SFT2D2: variants seen among roughly 807,000 people sequenced by gnomAD.
SFT2D2 encodes vesicle transport protein SFT2B.
A neutral mutation model predicts 27.4 loss-of-function variants in SFT2D2; 21 were observed. The ratio of observed to expected loss-of-function variants is 0.77; its 90% CI spans 0.54 to 1.10. The LOEUF is 1.10. SFT2D2 is among the 50% of genes least tolerant of loss of function. The probability of loss-of-function intolerance (pLI) is 0.00; values close to 1 mark genes in which losing one functional copy is unlikely to be tolerated. For missense variants in SFT2D2, 187 were observed against 194.2 expected, an observed-to-expected ratio of 0.96 and a Z score of 0.22; for synonymous variants, 72 against 71.7, an observed-to-expected ratio of 1.00 and a Z score of -0.02.
At chr1:168,241,607 A>G (rs1558178368) in intron 7 of SFT2D2, among the ~76,000 whole-genome samples, 1 of 152,154 alleles carries the variant, frequency 6.6e-6, no homozygotes, top group African/African-American at 2.4e-5. Context: ...GAAACAGGTT[A>G]AGCAAAATTA....
chr1:168,236,810 C>A, intron 6 of SFT2D2, 40 bp downstream of exon 6: 1 of 1,596,778 alleles, frequency 6.3e-7, no homozygotes, highest in Non-Finnish European at 8.6e-7. Context: ...ACATAGCCCA[C>A]TGAATAATGT....
At chr1:168,238,680 C>T (rs1458548188) in intron 6 of SFT2D2, among the ~76,000 whole-genome samples, 1 of 150,852 alleles carries the variant, frequency 6.6e-6, no homozygotes, top group African/African-American at 2.4e-5. Flanking sequence ...GCCTAGGTGA[C>T]GAGCACGACC....
intron 7 of SFT2D2, among the ~76,000 whole-genome samples, chr1:168,241,402 A>G (rs1027799008): frequency 6.6e-6 from 1 of 151,746 alleles, no homozygotes; most frequent in African/African-American, 2.4e-5. Context: ...CGTGTTGGCC[A>G]GGCTGGTCTC....
chr1:168,245,563 G>GC lies in SFT2D2; in HGVS notation c.*3024dup, dbSNP rs1003530343. 4 of 97,356 alleles carry GC rather than the reference G, an allele frequency of 4.1e-5. No individual in the cohort carries two copies. Among genetic ancestry groups the GC allele is most frequent in the Non-Finnish European group, 8.6e-5 (4 of 46,306 alleles). The allele number at this position is 97,356 out of a possible 1,614,324, so 6.0% of individuals were successfully genotyped here. A position where few individuals can be genotyped will look rare whatever the true frequency, so the allele number is the denominator to read the frequency against. Reference sequence around the variant, plus strand: ...GCAGTCCCCATCCAAAGCCAAGCAGGCTTTTTTTTTTTTTTTTTTGTAGAA... The same window carrying GC: ...GCAGTCCCCATCCAAAGCCAAGCAGGCCTTTTTTTTTTTTTTTTTTGTAGAA... On this transcript the variant is annotated 3_prime_UTR_variant, in exon 8 of 8. Transcript: ENST00000271375.
In SFT2D2 at chr1:168,243,419, C is replaced by G. The variant is rs1020750307; in HGVS notation, c.*879C>G. The G allele has an allele frequency of 6.6e-6, 1 of 152,030 alleles. No individual in the cohort carries two copies. The allele number at this position is 152,030 out of a possible 1,614,324, so 9.4% of individuals were successfully genotyped here. ...AAACTGATTTTATTTTCCATTCTCC[C>G]CTGGAGTTGGGCCAGGGGAGAGTGG... On this transcript the variant is annotated 3_prime_UTR_variant, in exon 8 of 8. Transcript: ENST00000271375.
intron 6 of SFT2D2, among the ~76,000 whole-genome samples, chr1:168,237,690 A>G (rs961464418): frequency 5.3e-5 from 8 of 152,350 alleles, no homozygotes; most frequent in East Asian, 1.9e-4. Context: ...TGAGACTGTA[A>G]GCTTAACTCC....
rs1361606509 is a variant in SFT2D2, at chr1:168,250,977, C to G, written c.*8437C>G. 6.6e-6 allele frequency: 1 copy of G among 152,214 alleles called. No individual in the cohort carries two copies. The highest frequency in any genetic ancestry group is 1.5e-5 in the Non-Finnish European group (1 of 68,110). The allele number at this position is 152,214 out of a possible 1,614,324, so 9.4% of individuals were successfully genotyped here. On this transcript the variant is annotated 3_prime_UTR_variant, in exon 8 of 8. Coordinates refer to ENST00000271375, the MANE Select transcript of SFT2D2 (RefSeq NM_199344.3). ...CCCTAATCACTGCAGGCTCAGGGAG[C>G]AAGAAATAAAATCATGAAATGCATT...
At chr1:168,226,174 C>G in intron 1 of SFT2D2, 32 bp downstream of exon 1, 1 of 1,521,632 alleles carries the variant, frequency 6.6e-7, no homozygotes, top group Non-Finnish European at 8.8e-7. Flanking sequence ...GGCCCCCTCT[C>G]GCCGCGCTCC....
At chr1:168,232,755 G>A (rs1266024846) in intron 3 of SFT2D2, among the ~76,000 whole-genome samples, 1 of 152,176 alleles carries the variant, frequency 6.6e-6, no homozygotes, top group Non-Finnish European at 1.5e-5. Flanking sequence ...ACAAAGACAA[G>A]TCCAGTTTGG....
chr1:168,230,433 C>G (rs957540633), intron 1 of SFT2D2, among the ~76,000 whole-genome samples: 1 of 152,178 alleles, frequency 6.6e-6, no homozygotes, highest in Non-Finnish European at 1.5e-5. Context: ...TTCCCACTTG[C>G]ATCAGGTGGA....
At chr1:168,234,599 C>G (rs1647434941) in intron 3 of SFT2D2, among the ~76,000 whole-genome samples, 1 of 152,064 alleles carries the variant, frequency 6.6e-6, no homozygotes, top group Non-Finnish European at 1.5e-5. Context: ...CAACAAATAA[C>G]CCATGATGAT....
Position 168,251,844 on chromosome 1 carries a change from C to T in SFT2D2, c.*9304C>T, listed in dbSNP as rs1647959382. On this transcript the variant is annotated 3_prime_UTR_variant, in exon 8 of 8. Transcript: ENST00000271375. The stretch of plus-strand genomic sequence containing the variant: ...CTGTGTAACTCTTGGTAAGATATAA[C>T]AAAACCTAGACATCTAAATTTTTTG... 1 of 152,066 alleles carries T rather than the reference C, an allele frequency of 6.6e-6. No homozygotes were observed. The highest frequency in any genetic ancestry group is 1.5e-5 in the Non-Finnish European group (1 of 67,990). 9.4% of individuals were successfully genotyped at this position (152,066 alleles called of 1,614,324 possible).
intron 7 of SFT2D2, among the ~76,000 whole-genome samples, chr1:168,242,046 T>C (rs984360765): frequency 6.6e-6 from 1 of 152,212 alleles, no homozygotes; most frequent in Non-Finnish European, 1.5e-5. Flanking sequence ...GATAAGGCCA[T>C]TATAGCATAT....
intron 6 of SFT2D2, among the ~76,000 whole-genome samples, chr1:168,237,673 T>G (rs1253611552): frequency 6.6e-6 from 1 of 152,228 alleles, no homozygotes; most frequent in African/African-American, 2.4e-5. Context: ...TTGGTAGAAA[T>G]GAATCTTGAG....
In SFT2D2 at chr1:168,243,567, T is replaced by C. The variant is rs1647711009; in HGVS notation, c.*1027T>C. The C allele has an allele frequency of 6.6e-6, 1 of 152,228 alleles. No individual in the cohort carries two copies. The highest frequency in any genetic ancestry group is 1.5e-5 in the Non-Finnish European group (1 of 68,126). The allele number at this position is 152,228 out of a possible 1,614,324, so 9.4% of individuals were successfully genotyped here. A position where few individuals can be genotyped will look rare whatever the true frequency, so the allele number is the denominator to read the frequency against. ...GGGGACACTGGGGATAAACTGCAGG[T>C]GGTCTCATGTCAGCCTGATGCCTAA... On this transcript the variant is annotated 3_prime_UTR_variant, in exon 8 of 8. Coordinates refer to ENST00000271375, the MANE Select transcript of SFT2D2 (RefSeq NM_199344.3).
chr1:168,233,909 T>C (rs1204874190), intron 3 of SFT2D2, among the ~76,000 whole-genome samples: 2 of 152,226 alleles, frequency 1.3e-5, no homozygotes, highest in Non-Finnish European at 2.9e-5. Flanking sequence ...TTGCTTCTTA[T>C]TCGGTGTAGG....
intron 1 of SFT2D2, among the ~76,000 whole-genome samples, chr1:168,227,482 G>A (rs1437063043): frequency 2.0e-5 from 3 of 152,200 alleles, no homozygotes; most frequent in African/African-American, 7.2e-5. Context: ...ATTGCTCTCT[G>A]AATCTTCACC....
rs562119816 is a variant in SFT2D2 at position 168,226,443 on chromosome 1, C to G, written c.63+301C>G. ...TGGGCGACTGGGCTGTCGGCCCCGGCCCCACCGGCCGGGGAATGCGCTTTA... is the reference window on the plus strand; with the variant it reads ...TGGGCGACTGGGCTGTCGGCCCCGGGCCCACCGGCCGGGGAATGCGCTTTA... On this transcript the variant is annotated intron_variant, in intron 1 of 7. Coordinates refer to ENST00000271375, the MANE Select transcript of SFT2D2 (RefSeq NM_199344.3). Among the ~76,000 whole-genome samples the G allele has an allele frequency of 6.1e-4, 93 of 152,290 alleles. No individual in the cohort carries two copies. The Middle Eastern group carries it at 0.017, about 28-fold the overall frequency.
intron 1 of SFT2D2, among the ~76,000 whole-genome samples, chr1:168,227,881 G>C (rs1249696726): frequency 6.6e-6 from 1 of 152,154 alleles, no homozygotes; most frequent in Non-Finnish European, 1.5e-5. Flanking sequence ...ACGAAGCAGT[G>C]GGCTGACCCT....
Sources: allele counts gnomAD v4.1 joint callset (sites outside exome capture counted in the v4.1 genomes callset), GRCh38; gene constraint gnomAD v4.1.1; transcripts MANE v1.5; gene names NCBI Gene and HGNC (gene_info 2026-07-23, HGNC 2026-07-21).